The following PCDHA2 variants were observed in gnomAD, a reference collection of about 807,000 sequenced individuals.
PCDHA2 encodes the protein protocadherin alpha 2, also known as protocadherin alpha-2.
PCDHA2 carries 58 observed loss-of-function variants against 66.0 expected under a neutral mutation model. The observed-to-expected ratio is 0.88, with a 90% CI of 0.71 to 1.09. PCDHA2 has a LOEUF of 1.09. Ranked by LOEUF, PCDHA2 falls within the 50% of genes least tolerant of loss-of-function variation. PCDHA2 has a pLI of 0.00. For missense variants in PCDHA2, 1,267 were observed against 1,242.3 expected, an observed-to-expected ratio of 1.02 and a Z score of -0.30; for synonymous variants, 634 against 554.0, an observed-to-expected ratio of 1.14 and a Z score of -2.03.
intron 1 of PCDHA2, chr5:140,829,507 C>A: frequency 1.2e-6 from 2 of 1,613,584 alleles, no homozygotes; most frequent in Non-Finnish European, 1.7e-6. Context: ...CGCCGGGCTG[C>A]CACATCTTCA....
At chr5:140,904,236 T>G (rs1326424532) in intron 1 of PCDHA2, among the ~76,000 whole-genome samples, 2 of 151,966 alleles carry the variant, frequency 1.3e-5, no homozygotes, top group Non-Finnish European at 2.9e-5. Flanking sequence ...ACTTATGCCT[T>G]TGCATCCTCA....
At chr5:140,837,357 C>A (rs2150274946) in intron 1 of PCDHA2, among the ~76,000 whole-genome samples, 2 of 151,850 alleles carry the variant, frequency 1.3e-5, no homozygotes, top group Non-Finnish European at 2.9e-5. Context: ...GTTTAAATGG[C>A]AGTTTAATAG....
chr5:140,810,853 C>G (rs769582220), intron 1 of PCDHA2: 1 of 151,972 alleles, frequency 6.6e-6, no homozygotes, highest in Non-Finnish European at 1.5e-5. Context: ...TGATTAAACT[C>G]AATTTATCAA....
chr5:140,841,207 T>C (rs1217897832), intron 1 of PCDHA2: 1 of 1,357,074 alleles, frequency 7.4e-7, no homozygotes, highest in African/African-American at 1.5e-5. Context: ...ACAGCATCTG[T>C]CTCTAAAGGC....
chr5:140,836,007 G>A (rs2150250458), intron 1 of PCDHA2: 5 of 1,613,296 alleles, frequency 3.1e-6, no homozygotes, highest in South Asian at 1.1e-5. Context: ...CGATGCGGGC[G>A]TGCCGCCTCT....
chr5:140,960,597 C>T (rs1315375637), intron 1 of PCDHA2, among the ~76,000 whole-genome samples: 1 of 152,092 alleles, frequency 6.6e-6, no homozygotes, highest in South Asian at 2.1e-4. Context: ...ATTCAAGGTA[C>T]TTCAACAATA....
chr5:140,857,791 G>A, intron 1 of PCDHA2: 2 of 1,597,714 alleles, frequency 1.3e-6, no homozygotes, highest in Non-Finnish European at 1.7e-6. Context: ...AGCTGGTGCT[G>A]CGGTCGGTGG....
chr5:140,850,469 G>A lies in PCDHA2; in HGVS notation c.2388+53117G>A, dbSNP rs2150485500. 6.3e-6 allele frequency: 10 copies of A among 1,597,768 alleles called. 2 individuals carry two copies. The highest frequency in any genetic ancestry group is 8.6e-6 in the Non-Finnish European group (10 of 1,167,634). On this transcript the variant is annotated intron_variant, in intron 1 of 3. Transcript: ENST00000526136. Reference sequence around the variant, plus strand: ...TGGTGAAAGACCACGGGGAGCCAGCGCTGACGGCCACGGCCACTGTGCTGG... The same window carrying A: ...TGGTGAAAGACCACGGGGAGCCAGCACTGACGGCCACGGCCACTGTGCTGG...
At chr5:140,803,433 G>A (rs369373965) in intron 1 of PCDHA2, 3 of 1,614,098 alleles carry the variant, frequency 1.9e-6, no homozygotes, top group Non-Finnish European at 2.5e-6. Flanking sequence ...CAGCGCGGTG[G>A]GGAGCTGGTC....
chr5:141,009,545 A>G, intron 3 of PCDHA2, 82 bp from the exon 4 acceptor site: 2 of 1,535,938 alleles, frequency 1.3e-6, no homozygotes, highest in Non-Finnish European at 1.8e-6. Flanking sequence ...CTGCCTATGC[A>G]GTACTCCTGT....
intron 3 of PCDHA2, among the ~76,000 whole-genome samples, chr5:141,008,228 T>C (rs2098365726): frequency 1.3e-5 from 2 of 152,210 alleles, no homozygotes; most frequent in African/African-American, 4.8e-5. Context: ...GTTAGAAAAT[T>C]ACTGCTCAGG....
intron 1 of PCDHA2, chr5:140,828,394 G>A: frequency 6.2e-7 from 1 of 1,614,292 alleles, no homozygotes; most frequent in East Asian, 2.2e-5. Context: ...GGAGCGCGGA[G>A]TGCAGCATCC....
Position 140,795,377 on chromosome 5 carries a change from A to G in PCDHA2, c.413A>G (p.Lys138Arg), listed in dbSNP as rs149936360. 9.0e-4 allele frequency: 1,453 copies of G among 1,614,128 alleles called. 1 individual carries two copies. The highest frequency in any genetic ancestry group is 1.2e-3 in the Non-Finnish European group (1,359 of 1,180,020). The change falls in exon 1 of 4, where the codon AAG (lysine) becomes AGG (arginine). Residue 138 changes from lysine (K) to arginine (R), a missense_variant. By Grantham distance (26) the Lys-to-Arg change is conservative. Coordinates refer to ENST00000526136, the MANE Select transcript of PCDHA2 (RefSeq NM_018905.3). The stretch of plus-strand genomic sequence containing the variant: ...CCGCCAATATTTCCAATGACAGTAA[A>G]GACTATCCGGTTTCCCGAATCAAGG... ...DNPPIFPMTV[K>R]TIRFPESRLL...
Position 141,000,578 on chromosome 5 carries a change from C to T in PCDHA2, c.2537-9049C>T, listed in dbSNP as rs191579983. On this transcript the variant is annotated intron_variant, in intron 3 of 3. Coordinates refer to ENST00000526136, the MANE Select transcript of PCDHA2 (RefSeq NM_018905.3). ...GAGTAGCTGGGATTACAGGTGCCTG[C>T]CACCATGCCCAGCTAATTTTTGTAT... Among the ~76,000 whole-genome samples the T allele has an allele frequency of 3.1e-3, 460 of 150,716 alleles. 6 individuals carry two copies. Among genetic ancestry groups the T allele is most frequent in the Middle Eastern group, 0.01 (3 of 290 alleles).
chr5:140,887,941 A>C (rs529131971), intron 1 of PCDHA2, among the ~76,000 whole-genome samples: 25 of 152,194 alleles, frequency 1.6e-4, no homozygotes, highest in Admixed American at 7.8e-4. Flanking sequence ...TTTATTTCTT[A>C]TCTGTATAAG....
chr5:140,854,665 T>C (rs2043184095), intron 1 of PCDHA2: 1 of 150,092 alleles, frequency 6.7e-6, no homozygotes, highest in Non-Finnish European at 1.5e-5. Context: ...AATTAACCCT[T>C]GCATAAGACC....
chr5:140,820,072 C>T (rs1044773695), intron 1 of PCDHA2, among the ~76,000 whole-genome samples: 1 of 151,950 alleles, frequency 6.6e-6, no homozygotes, highest in Non-Finnish European at 1.5e-5. Context: ...CTAACATCAG[C>T]TAATGCTGTT....
rs782362312 is a variant in PCDHA2 at position 140,884,131 on chromosome 5, G to T, written c.2388+86779G>T. 4 of 1,613,396 alleles carry T rather than the reference G, an allele frequency of 2.5e-6. No individual in the cohort carries two copies. In the South Asian group the frequency reaches 3.3e-5, roughly 13 times the overall value. On this transcript the variant is annotated intron_variant, in intron 1 of 3. Coordinates refer to ENST00000526136, the MANE Select transcript of PCDHA2 (RefSeq NM_018905.3). ...TGGCGGCGGTCGGCGCGCGCATCCCGTTCCGCGTGGGGCTGTACACTGGCG... is the reference window on the plus strand; with the variant it reads ...TGGCGGCGGTCGGCGCGCGCATCCCTTTCCGCGTGGGGCTGTACACTGGCG...
chr5:140,868,001 TG>T (rs1353110164), intron 1 of PCDHA2: 4 of 152,120 alleles, frequency 2.6e-5, no homozygotes, highest in Non-Finnish European at 5.9e-5. Context: ...TGAATATAAC[TG>T]AATTAGATTA....
Sources: allele counts gnomAD v4.1 joint callset (sites outside exome capture counted in the v4.1 genomes callset), GRCh38; gene constraint gnomAD v4.1.1; transcripts MANE v1.5; gene names NCBI Gene and HGNC (gene_info 2026-07-23, HGNC 2026-07-21).